The following FSTL5 variants were observed in gnomAD, a reference collection of about 807,000 sequenced individuals.
FSTL5 encodes follistatin like 5.
FSTL5 carries 62 observed loss-of-function variants against 89.1 expected under a neutral mutation model. The observed-to-expected ratio is 0.70, with a 90% confidence interval of 0.57 to 0.86. FSTL5 has a LOEUF of 0.86. Among genes scored for constraint, FSTL5 ranks in the 40% least tolerant of loss-of-function variants. FSTL5 has a pLI of 0.00. For synonymous variants in FSTL5, 383 were observed against 346.2 expected (o/e 1.11, Z -1.18); for missense variants, 1,057 against 1,001.6 (o/e 1.06, Z -0.75).
At chr4:161,433,130 A>C (rs532017109) in intron 15 of FSTL5, among the ~76,000 whole-genome samples, 31 of 151,994 alleles carry the variant, frequency 2.0e-4, no homozygotes, top group African/African-American at 6.0e-4. Context: ...AAAAAAAAAA[A>C]AACTATAGGT....
intron 3 of FSTL5, among the ~76,000 whole-genome samples, chr4:161,930,952 C>T (rs539462044): frequency 1.3e-5 from 2 of 151,904 alleles, no homozygotes; most frequent in African/African-American, 2.4e-5. Context: ...ATAAATACTA[C>T]CTCAAAAGTA....
At chr4:161,919,108 T>C (rs1579193223) in intron 4 of FSTL5, among the ~76,000 whole-genome samples, 2 of 152,148 alleles carry the variant, frequency 1.3e-5, no homozygotes, top group East Asian at 3.9e-4. Context: ...ATTTCCACCA[T>C]ACCATCTTGT....
chr4:161,420,177 C>G (rs1315411441), intron 15 of FSTL5, among the ~76,000 whole-genome samples: 1 of 152,194 alleles, frequency 6.6e-6, no homozygotes, highest in African/African-American at 2.4e-5. Flanking sequence ...TATAGACTCT[C>G]CAGGAACCAA....
At chr4:161,762,953 T>G (rs978515945) in intron 5 of FSTL5, among the ~76,000 whole-genome samples, 2 of 152,166 alleles carry the variant, frequency 1.3e-5, no homozygotes, top group Non-Finnish European at 2.9e-5. Context: ...GGAGTACATT[T>G]TGAACTTCAA....
intron 8 of FSTL5, among the ~76,000 whole-genome samples, chr4:161,575,319 T>G (rs529984926): frequency 3.9e-4 from 59 of 152,348 alleles, no homozygotes; most frequent in African/African-American, 1.3e-3. Context: ...GATGAGTTTA[T>G]TTTGCTGTAC....
rs1173510044 is a variant in FSTL5, at chr4:162,022,365, T to C, written c.160+11260A>G. On this transcript the variant is annotated intron_variant, in intron 3 of 15. Coordinates refer to ENST00000306100, the MANE Select transcript of FSTL5 (RefSeq NM_020116.5). ...TTGCATTTCATATATTAATATTGTA[T>C]ATTAACACTGTATATAATTTACATA... Among the ~76,000 whole-genome samples, 4 of 152,052 alleles carry C rather than the reference T, an allele frequency of 2.6e-5. No homozygotes were observed. The East Asian group carries it at 7.7e-4, about 29-fold the overall frequency.
intron 15 of FSTL5, among the ~76,000 whole-genome samples, chr4:161,449,370 T>C (rs760155006): frequency 5.9e-5 from 9 of 152,266 alleles, no homozygotes; most frequent in Middle Eastern, 3.4e-3. Flanking sequence ...TTGATTTCTA[T>C]AAAAATATAA....
chr4:161,823,072 T>C (rs1730544337), intron 4 of FSTL5, among the ~76,000 whole-genome samples: 1 of 152,082 alleles, frequency 6.6e-6, no homozygotes, highest in African/African-American at 2.4e-5. Context: ...TTTTATGGTC[T>C]CAGAAGGGAG....
rs140339677 is a variant in FSTL5 at position 161,597,847 on chromosome 4, T to C, written c.895-10272A>G. Reference sequence around the variant, plus strand: ...GTGGAGAAGGTAAAGGAAAGTAGATTAGGCAAAATGAGAATAGTGGTATTT... The same window carrying C: ...GTGGAGAAGGTAAAGGAAAGTAGATCAGGCAAAATGAGAATAGTGGTATTT... On this transcript the variant is annotated intron_variant, in intron 7 of 15. Transcript: ENST00000306100. Among the ~76,000 whole-genome samples the C allele has an allele frequency of 4.1e-4, 62 of 152,038 alleles. No homozygotes were observed. In the East Asian group the frequency reaches 8.0e-3, roughly 20 times the overall value.
At chr4:161,871,569 T>C (rs1286981206) in intron 4 of FSTL5, among the ~76,000 whole-genome samples, 3 of 152,206 alleles carry the variant, frequency 2.0e-5, no homozygotes, top group Non-Finnish European at 4.4e-5. Flanking sequence ...ATAATATTCA[T>C]GATATTTCAC....
At chr4:161,596,945 A>C (rs1024980918) in intron 7 of FSTL5, among the ~76,000 whole-genome samples, 1 of 151,952 alleles carries the variant, frequency 6.6e-6, no homozygotes, top group Non-Finnish European at 1.5e-5. Flanking sequence ...TTGTCAGATG[A>C]GTAGATTGCA....
At chr4:161,715,938 A>G (rs1322785988) in intron 6 of FSTL5, among the ~76,000 whole-genome samples, 2 of 152,178 alleles carry the variant, frequency 1.3e-5, no homozygotes, top group African/African-American at 4.8e-5. Context: ...CTCTCTCCCT[A>G]TTCCAGGGAC....
chr4:161,618,360 G>T (rs1344220329), intron 7 of FSTL5, among the ~76,000 whole-genome samples: 15 of 128,376 alleles, frequency 1.2e-4, no homozygotes, highest in Admixed American at 3.4e-4. Flanking sequence ...CCAACACTAT[G>T]TTGAATAGGA....
chr4:161,697,938 GGTGT>G (rs75603323), intron 6 of FSTL5, among the ~76,000 whole-genome samples: 3 of 149,636 alleles, frequency 2.0e-5, no homozygotes, highest in African/African-American at 7.3e-5. Flanking sequence ...AATATGGGAA[GGTGT>G]GTGTGTGTGT....
At chr4:161,730,554 A>G (rs1311308818) in intron 6 of FSTL5, among the ~76,000 whole-genome samples, 1 of 152,130 alleles carries the variant, frequency 6.6e-6, no homozygotes, top group Admixed American at 6.5e-5. Context: ...TGGTATCTAC[A>G]GTAAATGGCC....
chr4:161,745,813 C>A (rs1740181253), intron 6 of FSTL5, among the ~76,000 whole-genome samples: 1 of 151,876 alleles, frequency 6.6e-6, no homozygotes, highest in African/African-American at 2.4e-5. Flanking sequence ...ATAGATAGTT[C>A]TTACAAAATA....
chr4:161,845,970 C>T (rs1299447348), intron 4 of FSTL5, among the ~76,000 whole-genome samples: 3 of 151,304 alleles, frequency 2.0e-5, no homozygotes, highest in Admixed American at 6.6e-5. Flanking sequence ...TGCTTGAACT[C>T]GGGAGGCAGA....
intron 15 of FSTL5, among the ~76,000 whole-genome samples, chr4:161,426,688 T>A (rs1732178159): frequency 6.6e-6 from 1 of 152,120 alleles, no homozygotes; most frequent in African/African-American, 2.4e-5. Context: ...GCCTCTCGGG[T>A]TCAAGTGATT....
chr4:162,043,581 T>G (rs1376434140), intron 2 of FSTL5, among the ~76,000 whole-genome samples: 1 of 148,978 alleles, frequency 6.7e-6, no homozygotes, highest in South Asian at 2.1e-4. Flanking sequence ...TTTCTTAAAA[T>G]AAAAAAAAAA....
Sources: gnomAD v4.1 joint callset for allele counts (sites outside exome capture counted in the v4.1 genomes callset) on GRCh38, gnomAD v4.1.1 for gene constraint, MANE v1.5 for transcripts, NCBI Gene and HGNC (gene_info 2026-07-23, HGNC 2026-07-21) for gene names.